Variants in ZNF280B observed in about 807,000 individuals in gnomAD.
The protein encoded by ZNF280B is suppressor of hairy wing homolog 2.
ZNF280B carries 16 observed loss-of-function variants against 38.0 expected under a neutral mutation model. The observed-to-expected ratio is 0.42, with a 90% CI of 0.28 to 0.64. ZNF280B has a LOEUF of 0.64. Among genes scored for constraint, ZNF280B ranks in the 30% least tolerant of loss-of-function variants. The probability of loss-of-function intolerance (pLI) is 0.21; values close to 1 mark genes in which losing one functional copy is unlikely to be tolerated. For missense variants in ZNF280B, 581 were observed against 639.6 expected, an observed-to-expected ratio of 0.91 and a Z score of 0.99; for synonymous variants, 253 against 230.6, an observed-to-expected ratio of 1.10 and a Z score of -0.88.
At chr22:22,492,088 T>G (rs1316903179) in intron 3 of ZNF280B, among the ~76,000 whole-genome samples, 2 of 151,988 alleles carry the variant, frequency 1.3e-5, no homozygotes, top group Admixed American at 6.6e-5. Context: ...TATAAATATG[T>G]GTATCACCTT....
At chr22:22,505,744 G>A (rs918277855) in intron 2 of ZNF280B, among the ~76,000 whole-genome samples, 6 of 151,804 alleles carry the variant, frequency 4.0e-5, no homozygotes, top group African/African-American at 1.5e-4. Context: ...GGGTGACAGA[G>A]CGAAACTCCA....
intron 2 of ZNF280B, among the ~76,000 whole-genome samples, chr22:22,501,649 G>A (rs1414907335): frequency 6.6e-6 from 1 of 151,784 alleles, no homozygotes; most frequent in Non-Finnish European, 1.5e-5. Context: ...AGGCTGAGAT[G>A]GGAGGATCGC....
At chr22:22,502,214 A>G (rs1435265217) in intron 2 of ZNF280B, among the ~76,000 whole-genome samples, 1 of 152,012 alleles carries the variant, frequency 6.6e-6, no homozygotes. Flanking sequence ...ATGCTGCTCA[A>G]TATAGTCATT....
At position 22,488,406 on chromosome 22, in the gene ZNF280B, A is replaced by C. The variant is rs755247984; in HGVS notation, c.993T>G (p.Phe331Leu). The C allele has an allele frequency of 6.2e-7, 1 of 1,613,866 alleles. No homozygotes were observed. Among genetic ancestry groups the C allele is most frequent in the South Asian group, 1.1e-5 (1 of 91,060 alleles). Residue 331 changes from phenylalanine (F) to leucine (L), a missense_variant, in exon 4 of 4, where the codon TTT (phenylalanine) becomes TTG (leucine). Physicochemically the swap from Phe to Leu is conservative, Grantham distance 22 (BLOSUM62 0). Coordinates refer to ENST00000626650, the MANE Select transcript of ZNF280B (RefSeq NM_080764.4). Reference protein sequence around the residue: ...FMNHVKHHLEFEKQRNDSWEN... With the variant: ...FMNHVKHHLELEKQRNDSWEN... ...CCCAGCTGTCGTTCCTCTGCTTCTC[A>C]AATTCCAAATGATGCTTCACGTGAT... is the stretch of plus-strand genomic sequence containing the variant.
Position 22,484,856 on chromosome 22 carries a change from GT to G in ZNF280B, c.*2910del, listed in dbSNP as rs745604278. 4.6e-3 allele frequency: 649 copies of G among 142,084 alleles called. No individual in the cohort carries two copies. Among genetic ancestry groups the G allele is most frequent in the Middle Eastern group, 7.4e-3 (2 of 272 alleles). 8.8% of individuals were successfully genotyped at this position (142,084 alleles called of 1,614,324 possible). A position where few individuals can be genotyped will look rare whatever the true frequency, so the allele number is the denominator to read the frequency against. On this transcript the variant is annotated 3_prime_UTR_variant, in exon 4 of 4. Coordinates refer to ENST00000626650, the MANE Select transcript of ZNF280B (RefSeq NM_080764.4). ...AGTGCCTTTAAGAGGAAAAGTAGAAGTTTTTTTTTTTTTTTAAAGGGAGATC... is the reference window on the plus strand; with the variant it reads ...AGTGCCTTTAAGAGGAAAAGTAGAAGTTTTTTTTTTTTTTAAAGGGAGATC...
chr22:22,488,983 G>A lies in ZNF280B; in HGVS notation c.416C>T (p.Ser139Leu), dbSNP rs1443497225. Residue 139 changes from serine to leucine, a missense_variant, in exon 4 of 4, where the codon TCA becomes TTA. Coordinates refer to ENST00000626650, the MANE Select transcript of ZNF280B (RefSeq NM_080764.4). ...SSPQVVPNNS[S>L]ELPSPLITFT... ...TGTAATCAAAGGAGAAGGTAATTCTGAAGAGTTATTAGGCACAACTTGTGG... is the reference window on the plus strand; with the variant it reads ...TGTAATCAAAGGAGAAGGTAATTCTAAAGAGTTATTAGGCACAACTTGTGG... 1 of 1,613,836 alleles carries A rather than the reference G, an allele frequency of 6.2e-7. No individual in the cohort carries two copies. The highest frequency in any genetic ancestry group is 8.5e-7 in the Non-Finnish European group (1 of 1,179,968).
chr22:22,487,981 T>G lies in ZNF280B; in HGVS notation c.1418A>C (p.Lys473Thr), dbSNP rs1331648829. The G allele has an allele frequency of 6.2e-7, 1 of 1,613,786 alleles. No homozygotes were observed. ...SKCRLQFLTF[K>T]EKMEHKTQCH... ...CTGGGTCTTGTGCTCCATTTTCTCC[T>G]TGAAAGTTAAAAACTGTAGCCGGCA... Residue 473 changes from lysine to threonine, a missense_variant, in exon 4 of 4, where the codon AAG becomes ACG. By Grantham distance (78) the Lys-to-Thr change is moderately conservative. Coordinates refer to ENST00000626650, the MANE Select transcript of ZNF280B (RefSeq NM_080764.4).
chr22:22,489,327 A>T lies in ZNF280B; in HGVS notation c.72T>A (p.Asp24Glu), dbSNP rs2061548544. The part of the protein sequence containing the change: ...QKNIQETKQV[D>E]DEDAELIFVG... Reference sequence around the variant, plus strand: ...CAAAGATGAGCTCAGCATCTTCGTCATCTACTTGTTTGGTTTCTTGTATGT... The same window carrying T: ...CAAAGATGAGCTCAGCATCTTCGTCTTCTACTTGTTTGGTTTCTTGTATGT... Residue 24 changes from aspartate (D) to glutamate (E), a missense_variant, in exon 4 of 4, where the codon GAT (aspartate) becomes GAA (glutamate). Coordinates refer to ENST00000626650, the MANE Select transcript of ZNF280B (RefSeq NM_080764.4). The T allele has an allele frequency of 6.2e-7, 1 of 1,613,716 alleles. No homozygotes were observed. Among genetic ancestry groups the T allele is most frequent in the Non-Finnish European group, 8.5e-7 (1 of 1,179,938 alleles).
Position 22,489,305 on chromosome 22 carries a change from A to C in ZNF280B, c.94T>G (p.Phe32Val). Residue 32 changes from phenylalanine (F) to valine (V), a missense_variant, in exon 4 of 4, where the codon TTT becomes GTT. By Grantham distance (50) the Phe-to-Val change is conservative. Coordinates refer to ENST00000626650, the MANE Select transcript of ZNF280B (RefSeq NM_080764.4). ...QVDDEDAELI[F>V]VGVEHVNEDA... is the part of the protein sequence containing the mutation. ...TCATTTACATGTTCCACACCAACAA[A>C]GATGAGCTCAGCATCTTCGTCATCT... 1 of 1,613,864 alleles carries C rather than the reference A, an allele frequency of 6.2e-7. No individual in the cohort carries two copies. The highest frequency in any genetic ancestry group is 8.5e-7 in the Non-Finnish European group (1 of 1,179,972).
In ZNF280B at chr22:22,489,312, C is replaced by T. The variant is rs1414800619; in HGVS notation, c.87G>A (p.Glu29=). ...CATGTTCCACACCAACAAAGATGAG[C>T]TCAGCATCTTCGTCATCTACTTGTT... ...ETKQVDDEDA[E]LIFVGVEHVN... The change falls in exon 4 of 4, where the codon GAG becomes GAA. Residue 29 remains glutamate, a synonymous_variant. Transcript: ENST00000626650. 3 of 1,613,806 alleles carry T rather than the reference C, an allele frequency of 1.9e-6. No homozygotes were observed. The highest frequency in any genetic ancestry group is 2.5e-6 in the Non-Finnish European group (3 of 1,179,946).
chr22:22,501,120 GT>G (rs2061815855), intron 2 of ZNF280B, among the ~76,000 whole-genome samples: 1 of 151,562 alleles, frequency 6.6e-6, no homozygotes, highest in Non-Finnish European at 1.5e-5. Context: ...GGGTGAGTCT[GT>G]TGTTTAATGG....
At position 22,488,273 on chromosome 22, in the gene ZNF280B, T is replaced by G. The variant is rs1569172786; in HGVS notation, c.1126A>C (p.Lys376Gln). The change falls in exon 4 of 4, where the codon AAA (lysine) becomes CAA (glutamine). Residue 376 changes from lysine (K) to glutamine (Q), a missense_variant. Physicochemically the swap from Lys to Gln is moderately conservative, Grantham distance 53 (BLOSUM62 1). Transcript: ENST00000626650. ...HTAQEPSTVCKICELSFETDQ... is the reference protein window; with the variant it reads ...HTAQEPSTVCQICELSFETDQ... Reference sequence around the variant, plus strand: ...GTTTCAAATGACAATTCACAGATTTTACAGACAGTAGAGGGCTCCTGGGCA... The same window carrying G: ...GTTTCAAATGACAATTCACAGATTTGACAGACAGTAGAGGGCTCCTGGGCA... 6.2e-7 allele frequency: 1 copy of G among 1,613,888 alleles called. No individual in the cohort carries two copies. The highest frequency in any genetic ancestry group is 8.5e-7 in the Non-Finnish European group (1 of 1,179,964).
chr22:22,507,631 G>A (rs1283068816), intron 2 of ZNF280B, among the ~76,000 whole-genome samples, 179 bp downstream of exon 2: 1 of 151,440 alleles, frequency 6.6e-6, no homozygotes, highest in Non-Finnish European at 1.5e-5. Context: ...AATTTAGAGG[G>A]TTCCCGAATG....
intron 2 of ZNF280B, among the ~76,000 whole-genome samples, chr22:22,498,090 G>T (rs1306378622): frequency 1.3e-5 from 2 of 151,876 alleles, no homozygotes; most frequent in Non-Finnish European, 2.9e-5. Flanking sequence ...CCATGTAAAA[G>T]AAGTCAGTGA....
intron 3 of ZNF280B, among the ~76,000 whole-genome samples, chr22:22,493,802 T>C (rs905348512): frequency 6.6e-6 from 1 of 152,054 alleles, no homozygotes; most frequent in African/African-American, 2.4e-5. Flanking sequence ...AAAACACAAC[T>C]GTAATTATAT....
intron 2 of ZNF280B, among the ~76,000 whole-genome samples, chr22:22,505,515 G>A (rs1285685609): frequency 6.6e-6 from 1 of 151,808 alleles, no homozygotes; most frequent in African/African-American, 2.4e-5. Flanking sequence ...GCGGTGTGCT[G>A]AGATCATGCC....
intron 2 of ZNF280B, among the ~76,000 whole-genome samples, chr22:22,497,096 G>C (rs1406427226): frequency 4.3e-4 from 64 of 150,492 alleles, no homozygotes; most frequent in Non-Finnish European, 4.4e-5. Flanking sequence ...GGAATTACAG[G>C]CGTGAGGCAC....
chr22:22,497,230 A>G (rs1015521318), intron 2 of ZNF280B, among the ~76,000 whole-genome samples: 13 of 139,984 alleles, frequency 9.3e-5, no homozygotes, highest in South Asian at 2.3e-4. Flanking sequence ...AAAAAAAAAA[A>G]AAAAAAAAAA....
At chr22:22,505,716 G>A (rs1238489770) in intron 2 of ZNF280B, among the ~76,000 whole-genome samples, 1 of 151,848 alleles carries the variant, frequency 6.6e-6, no homozygotes, top group Non-Finnish European at 1.5e-5. Context: ...CCGAGACTGC[G>A]CCATTGCACT....
Sources: allele counts gnomAD v4.1 joint callset (sites outside exome capture counted in the v4.1 genomes callset), GRCh38; gene constraint gnomAD v4.1.1; transcripts MANE v1.5; gene names NCBI Gene and HGNC (gene_info 2026-07-23, HGNC 2026-07-21).